Variants in SLC26A5 observed in about 807,000 individuals in gnomAD.
SLC26A5 encodes the protein prestin.
In SLC26A5, 51 loss-of-function variants were observed where a neutral mutation model predicts 81.0. That is an observed-to-expected ratio of 0.63 (90% CI 0.50 to 0.80). The LOEUF is 0.80. Among genes scored for constraint, SLC26A5 ranks in the 30% least tolerant of loss-of-function variants. The pLI is 0.00. For missense variants in SLC26A5, 771 were observed against 905.8 expected (o/e 0.85, Z 1.91); for synonymous variants, 325 against 332.8 (o/e 0.98, Z 0.25).
chr7:103,380,619 T>G, intron 14 of SLC26A5, 70 bp from the exon 15 acceptor site: 1 of 1,416,600 alleles, frequency 7.1e-7, no homozygotes, highest in Admixed American at 1.7e-5. Flanking sequence ...AGGTTGTGTA[T>G]GTTTATGTCA....
chr7:103,389,368 T>G lies in SLC26A5; in HGVS notation c.1368A>C (p.Ser456=), dbSNP rs1822457792. 1 of 1,614,066 alleles carries G rather than the reference T, an allele frequency of 6.2e-7. No individual in the cohort carries two copies. Among genetic ancestry groups the G allele is most frequent in the Non-Finnish European group, 8.5e-7 (1 of 1,180,008 alleles). Reference sequence around the variant, plus strand: ...TGGTTCTCCAGAAAAAGGGGAGATCTGAGAACTGCATAAACATTCCCTTCA... The same window carrying G: ...TGGTTCTCCAGAAAAAGGGGAGATCGGAGAACTGCATAAACATTCCCTTCA... The part of the protein sequence containing the change: ...VNLKGMFMQF[S]DLPFFWRTSK... The change falls in exon 13 of 20, where the codon TCA becomes TCC. Residue 456 remains serine (S), a synonymous_variant. Transcript: ENST00000306312.
At chr7:103,383,466 G>A (rs1251678229) in intron 14 of SLC26A5, among the ~76,000 whole-genome samples, 1 of 152,082 alleles carries the variant, frequency 6.6e-6, no homozygotes, top group Admixed American at 6.5e-5. Flanking sequence ...CACCATTTCT[G>A]CAAGTCTAAA....
intron 19 of SLC26A5, among the ~76,000 whole-genome samples, chr7:103,354,196 CAGTTTATGTAT>C (rs1175713471): frequency 6.6e-6 from 1 of 152,070 alleles, no homozygotes; most frequent in Non-Finnish European, 1.5e-5. Flanking sequence ...TGGCATGTCT[CAGTTTATGTAT>C]TATTTTAATA....
chr7:103,421,692 A>G, intron 2 of SLC26A5, 125 bp from the exon 3 acceptor site: 3 of 664,242 alleles, frequency 4.5e-6, no homozygotes, highest in Non-Finnish European at 7.9e-6. Context: ...CAGAGGACCT[A>G]ATGTATTGAT....
chr7:103,395,088 C>G (rs910031213), intron 9 of SLC26A5, among the ~76,000 whole-genome samples: 1 of 152,202 alleles, frequency 6.6e-6, no homozygotes, highest in African/African-American at 2.4e-5. Context: ...TAACAAACCC[C>G]AAGTGAGACC....
At position 103,401,027 on chromosome 7, in the gene SLC26A5, T is replaced by C. The variant is rs1823546157; in HGVS notation, c.889-3013A>G. On this transcript the variant is annotated intron_variant, in intron 8 of 19. Coordinates refer to ENST00000306312, the MANE Select transcript of SLC26A5 (RefSeq NM_198999.3). ...CCAGCTTTGTTCTTTTTGCTTAGGA[T>C]TGTCTTGGCTATGCGGGCCCTTTTT... 2.0e-5 allele frequency among the ~76,000 whole-genome samples: 3 copies of C among 152,182 alleles called. No individual in the cohort carries two copies. The East Asian group carries it at 5.8e-4, about 29-fold the overall frequency.
chr7:103,423,120 A>T (rs2116738919), intron 2 of SLC26A5, among the ~76,000 whole-genome samples: 1 of 151,464 alleles, frequency 6.6e-6, no homozygotes, highest in East Asian at 1.9e-4. Flanking sequence ...AAAAAAAAAA[A>T]AATTAGCTGG....
chr7:103,411,264 G>A (rs1824463762), intron 6 of SLC26A5, among the ~76,000 whole-genome samples, 156 bp downstream of exon 6: 1 of 152,190 alleles, frequency 6.6e-6, no homozygotes, highest in Non-Finnish European at 1.5e-5. Flanking sequence ...TCATAGTTGT[G>A]AATATGGCAT....
chr7:103,371,376 G>C (rs373859658), downstream of SLC26A5, among the ~76,000 whole-genome samples: 3 of 150,296 alleles, frequency 2.0e-5, no homozygotes, highest in African/African-American at 4.9e-5. Context: ...CCAGGCTGGA[G>C]TGCAGTGGCG....
chr7:103,374,261 C>T lies in SLC26A5; in HGVS notation c.*138G>A, dbSNP rs921505428. ...CACAAGTACAATACATCTTGCTAGG[C>T]GTCATTCACCCTCCAAATCAAGCCT... On this transcript the variant is annotated 3_prime_UTR_variant, in exon 20 of 20. Coordinates refer to ENST00000306312, the MANE Select transcript of SLC26A5 (RefSeq NM_198999.3). The T allele has an allele frequency of 1.4e-5, 21 of 1,478,708 alleles. No individual in the cohort carries two copies. The highest frequency in any genetic ancestry group is 2.8e-5 in the South Asian group (2 of 72,530). The allele number at this position is 1,478,708 out of a possible 1,614,324, so 91.6% of individuals were successfully genotyped here.
intron 8 of SLC26A5, among the ~76,000 whole-genome samples, chr7:103,401,803 A>G (rs1045467244): frequency 4.6e-5 from 7 of 152,128 alleles, no homozygotes; most frequent in Admixed American, 4.6e-4. Flanking sequence ...TTCTGCATCT[A>G]TTGAGATAAT....
chr7:103,370,393 C>A (rs553316506), downstream of SLC26A5, among the ~76,000 whole-genome samples: 24 of 151,950 alleles, frequency 1.6e-4, no homozygotes, highest in Middle Eastern at 3.4e-3. Context: ...CCCCACCCCC[C>A]CAACACACAC....
intron 2 of SLC26A5, among the ~76,000 whole-genome samples, chr7:103,442,486 G>A (rs1246445624): frequency 6.6e-6 from 1 of 152,108 alleles, no homozygotes; most frequent in Non-Finnish European, 1.5e-5. Context: ...CCATGAGGGA[G>A]GGGACAGGTC....
downstream of SLC26A5, among the ~76,000 whole-genome samples, chr7:103,371,990 T>C (rs766367847): frequency 1.2e-4 from 18 of 152,214 alleles, 1 homozygote; most frequent in Non-Finnish European, 2.1e-4. Flanking sequence ...CCACCGCACC[T>C]GGCCGAAGTA....
At chr7:103,352,893 C>G (rs763650961) in exon 20 of SLC26A5, 1 of 780,920 alleles carries the variant, frequency 1.3e-6, no homozygotes, top group Non-Finnish European at 2.4e-6. Flanking sequence ...ATTTCCCCTA[C>G]GGTCTCCATC....
intron 4 of SLC26A5, among the ~76,000 whole-genome samples, chr7:103,415,840 T>C (rs1379812816): frequency 1.3e-5 from 2 of 152,212 alleles, no homozygotes; most frequent in African/African-American, 4.8e-5. Context: ...ACACATGTAT[T>C]TCATTCCTGG....
chr7:103,390,360 C>G, intron 12 of SLC26A5, 69 bp downstream of exon 12: 3 of 1,382,424 alleles, frequency 2.2e-6, no homozygotes, highest in Non-Finnish European at 3.1e-6. Context: ...GCCATAAGAA[C>G]ATAAACAAAT....
At chr7:103,363,923 T>C (rs186622343) in intron 19 of SLC26A5, among the ~76,000 whole-genome samples, 2 of 152,370 alleles carry the variant, frequency 1.3e-5, no homozygotes, top group East Asian at 1.9e-4. Context: ...TTTAGTCTTA[T>C]GTATTGATAG....
chr7:103,374,745 G>C (rs1337707421), intron 19 of SLC26A5, among the ~76,000 whole-genome samples, 153 bp from the exon 20 acceptor site: 1 of 149,086 alleles, frequency 6.7e-6, no homozygotes, highest in East Asian at 2.0e-4. Flanking sequence ...TGTCACCCAG[G>C]CTGGAGAGTA....
Sources: gnomAD v4.1 joint callset for allele counts (sites outside exome capture counted in the v4.1 genomes callset) on GRCh38, gnomAD v4.1.1 for gene constraint, MANE v1.5 for transcripts, NCBI Gene and HGNC (gene_info 2026-07-23, HGNC 2026-07-21) for gene names.